Variants in SYNPO2 observed in about 807,000 individuals in gnomAD.
SYNPO2 encodes synaptopodin 2.
SYNPO2 carries 56 observed loss-of-function variants against 85.0 expected under a neutral mutation model. That is an observed-to-expected ratio of 0.66 (90% CI 0.53 to 0.82). SYNPO2 has a LOEUF of 0.82. SYNPO2 is among the 40% of genes least tolerant of loss of function. The pLI, the probability that SYNPO2 is intolerant of heterozygous loss-of-function variation, is 0.00. For synonymous variants in SYNPO2, 602 were observed against 591.1 expected, an observed-to-expected ratio of 1.02 and a Z score of -0.27; for missense variants, 1,575 against 1,534.2, an observed-to-expected ratio of 1.03 and a Z score of -0.44.
chr4:118,964,503 A>G (rs984108288), intron 1 of SYNPO2, among the ~76,000 whole-genome samples: 3 of 151,888 alleles, frequency 2.0e-5, no homozygotes, highest in Admixed American at 1.3e-4. Context: ...AGTAAATTAA[A>G]AAAAAAAACA....
chr4:118,972,920 C>T (rs376636188), intron 1 of SYNPO2, among the ~76,000 whole-genome samples: 4 of 152,294 alleles, frequency 2.6e-5, no homozygotes, highest in Middle Eastern at 6.8e-3. Flanking sequence ...TGGCTATCCC[C>T]GCTTGCTCAC....
chr4:118,949,060 A>C (rs1734598341), intron 1 of SYNPO2, among the ~76,000 whole-genome samples: 1 of 152,092 alleles, frequency 6.6e-6, no homozygotes, highest in African/African-American at 2.4e-5. Context: ...AGGTAGTTCT[A>C]ATGTGTAGCC....
At chr4:118,878,760 A>G (rs1731977729) in intron 1 of SYNPO2, among the ~76,000 whole-genome samples, 1 of 152,212 alleles carries the variant, frequency 6.6e-6, no homozygotes, top group Non-Finnish European at 1.5e-5. Context: ...ACTCTGTAAA[A>G]TGAACCAATC....
intron 3 of SYNPO2, among the ~76,000 whole-genome samples, chr4:119,028,213 T>A (rs998651887): frequency 1.6e-5 from 2 of 125,484 alleles, no homozygotes; most frequent in African/African-American, 3.0e-5. Context: ...TTCACGTTTA[T>A]TTTTGTTTGT....
At chr4:119,015,760 C>G (rs112942170) in intron 1 of SYNPO2, among the ~76,000 whole-genome samples, 6 of 152,066 alleles carry the variant, frequency 3.9e-5, no homozygotes, top group Non-Finnish European at 7.4e-5. Flanking sequence ...ATTATTAATG[C>G]CCATTATTTT....
In SYNPO2 at chr4:119,058,492, A is replaced by ATTTTT. The variant is rs1739294718; in HGVS notation, c.*558_*559insTTTTT. 4.0e-5 allele frequency: 1 copy of ATTTTT among 25,204 alleles called. No individual in the cohort carries two copies. 1.6% of individuals were successfully genotyped at this position (25,204 alleles called of 1,614,324 possible). On this transcript the variant is annotated 3_prime_UTR_variant, in exon 5 of 5. Transcript: ENST00000307142. ...TTTTTTTTTTTTTTTTTTTTTTTTG[A>ATTTTT]GATGGAGTCTTGCTCTGTCCCACCC...
intron 1 of SYNPO2, among the ~76,000 whole-genome samples, chr4:119,005,463 A>G (rs1015718837): frequency 1.3e-4 from 19 of 148,320 alleles, no homozygotes; most frequent in African/African-American, 4.7e-4. Flanking sequence ...CAGTTTTCCC[A>G]GCACCATTTA....
intron 1 of SYNPO2, among the ~76,000 whole-genome samples, chr4:118,933,680 T>TCAACATACAGAATA (rs1273935647): frequency 6.6e-6 from 1 of 152,120 alleles, no homozygotes; most frequent in Admixed American, 6.6e-5. Flanking sequence ...ACAGAATAGT[T>TCAACATACAGAATA]TATGGGTCTT....
intron 1 of SYNPO2, among the ~76,000 whole-genome samples, chr4:118,920,401 T>C (rs1006689605): frequency 6.6e-6 from 1 of 152,164 alleles, no homozygotes; most frequent in Non-Finnish European, 1.5e-5. Flanking sequence ...GTTGAAGTCA[T>C]TGGAGTGAGT....
intron 1 of SYNPO2, among the ~76,000 whole-genome samples, chr4:118,852,855 C>T (rs1202154951): frequency 6.6e-6 from 1 of 152,116 alleles, no homozygotes; most frequent in African/African-American, 2.4e-5. Flanking sequence ...ACACAAGTAC[C>T]CCTGAACTTA....
At chr4:118,895,274 A>G (rs1412723288) in intron 1 of SYNPO2, among the ~76,000 whole-genome samples, 1 of 152,186 alleles carries the variant, frequency 6.6e-6, no homozygotes, top group Non-Finnish European at 1.5e-5. Flanking sequence ...TGGCATGGAA[A>G]GGAGGGTACC....
intron 1 of SYNPO2, among the ~76,000 whole-genome samples, chr4:118,869,436 T>C (rs1201982352): frequency 1.3e-5 from 2 of 152,238 alleles, no homozygotes; most frequent in Non-Finnish European, 2.9e-5. Flanking sequence ...TCTGGAAATA[T>C]AAAATTTAAA....
chr4:119,034,858 T>A (rs78521460), intron 4 of SYNPO2: 2 of 985,456 alleles, frequency 2.0e-6, no homozygotes, highest in East Asian at 2.3e-4. Flanking sequence ...CTCCCTCCCA[T>A]GGGGTACATT....
Position 118,904,708 on chromosome 4 carries a change from G to T in SYNPO2, c.105+15567G>T, listed in dbSNP as rs539293738. ...ATAAGGCTGCTTTTTCTAAGTAAATGATAATACATTCAACTCCTTGGAGTT... is the reference window on the plus strand; with the variant it reads ...ATAAGGCTGCTTTTTCTAAGTAAATTATAATACATTCAACTCCTTGGAGTT... On this transcript the variant is annotated intron_variant, in intron 1 of 4. Transcript: ENST00000307142. 6.6e-5 allele frequency among the ~76,000 whole-genome samples: 10 copies of T among 151,988 alleles called. 1 individual carries two copies. The highest frequency in any genetic ancestry group is 6.6e-4 in the Admixed American group (10 of 15,262).
chr4:119,040,437 T>G (rs1561021462), intron 4 of SYNPO2, among the ~76,000 whole-genome samples: 1 of 152,220 alleles, frequency 6.6e-6, no homozygotes, highest in East Asian at 1.9e-4. Flanking sequence ...GTATTCAGCC[T>G]GTTTGTCCAT....
intron 1 of SYNPO2, among the ~76,000 whole-genome samples, chr4:118,993,412 G>C (rs1057211279): frequency 2.6e-5 from 4 of 152,276 alleles, no homozygotes; most frequent in African/African-American, 9.6e-5. Flanking sequence ...ATTTTACGAG[G>C]CCTCCTTGAT....
At chr4:118,962,213 A>C (rs1735124139) in intron 1 of SYNPO2, among the ~76,000 whole-genome samples, 1 of 152,218 alleles carries the variant, frequency 6.6e-6, no homozygotes, top group African/African-American at 2.4e-5. Context: ...AAGGAAATAG[A>C]GAAAAATGAT....
intron 1 of SYNPO2, among the ~76,000 whole-genome samples, chr4:118,973,192 C>A (rs1735599125): frequency 6.6e-6 from 1 of 151,968 alleles, no homozygotes; most frequent in African/African-American, 2.4e-5. Context: ...TATGTGAATT[C>A]TGTTAATTAT....
chr4:118,975,403 G>T (rs1414519490), intron 1 of SYNPO2, among the ~76,000 whole-genome samples: 1 of 152,152 alleles, frequency 6.6e-6, no homozygotes, highest in Non-Finnish European at 1.5e-5. Flanking sequence ...TTTAAGAGTG[G>T]GAATAGGCTG....
Sources: gnomAD v4.1 joint callset for allele counts (sites outside exome capture counted in the v4.1 genomes callset) on GRCh38, gnomAD v4.1.1 for gene constraint, MANE v1.5 for transcripts, NCBI Gene and HGNC (gene_info 2026-07-23, HGNC 2026-07-21) for gene names.